SGIP1: variants seen among roughly 807,000 people sequenced by gnomAD.
The protein encoded by SGIP1 is SH3GL interacting endocytic adaptor 1.
A neutral mutation model predicts 107.5 loss-of-function variants in SGIP1; 38 were observed. The ratio of observed to expected loss-of-function variants is 0.35; its 90% confidence interval spans 0.27 to 0.46. The LOEUF (loss-of-function observed/expected upper bound fraction) is 0.46. Ranked by LOEUF, SGIP1 falls within the 20% of genes least tolerant of loss-of-function variation. The pLI, the probability that SGIP1 is intolerant of heterozygous loss-of-function variation, is 1.00. For synonymous variants in SGIP1, 365 were observed against 366.1 expected (o/e 1.00, Z 0.03); for missense variants, 929 against 1,019.5 (o/e 0.91, Z 1.21).
At chr1:66,727,126 G>C (rs2093792478) in intron 19 of SGIP1, among the ~76,000 whole-genome samples, 1 of 152,144 alleles carries the variant, frequency 6.6e-6, no homozygotes, top group Non-Finnish European at 1.5e-5. Flanking sequence ...GTCCTTTTAA[G>C]AGAAAGAAAA....
chr1:66,597,668 A>G (rs900185358), intron 1 of SGIP1, among the ~76,000 whole-genome samples: 2 of 152,180 alleles, frequency 1.3e-5, no homozygotes. Flanking sequence ...GTAGCCATTA[A>G]CAGTAAGTTG....
At chr1:66,614,648 A>T (rs962619858) in intron 1 of SGIP1, among the ~76,000 whole-genome samples, 1 of 152,024 alleles carries the variant, frequency 6.6e-6, no homozygotes, top group Non-Finnish European at 1.5e-5. Context: ...CCCTTTTTAG[A>T]AGTAGACTTC....
intron 20 of SGIP1, 65 bp downstream of exon 20, chr1:66,729,484 G>A (rs1415927573): frequency 1.3e-6 from 2 of 1,582,152 alleles, no homozygotes; most frequent in African/African-American, 1.3e-5. Context: ...ACTTAGATGA[G>A]GGATATATCT....
At chr1:66,733,637 A>G (rs1051878578) in intron 20 of SGIP1, 111 bp from the exon 21 acceptor site, 19 of 1,141,914 alleles carry the variant, frequency 1.7e-5, no homozygotes, top group Non-Finnish European at 2.4e-5. Flanking sequence ...ATCTCTACAA[A>G]TTGTCAAAAA....
chr1:66,643,065 A>G (rs1016282672), intron 6 of SGIP1, among the ~76,000 whole-genome samples: 1 of 152,246 alleles, frequency 6.6e-6, no homozygotes, highest in Non-Finnish European at 1.5e-5. Context: ...CATAGAAAAG[A>G]GAGAGGAGAA....
intron 18 of SGIP1, among the ~76,000 whole-genome samples, chr1:66,715,340 T>A (rs1043067735): frequency 6.6e-6 from 1 of 152,150 alleles, no homozygotes; most frequent in African/African-American, 2.4e-5. Flanking sequence ...AAATTTTGGA[T>A]CCTTAAAGAT....
At chr1:66,660,366 A>T (rs892758999) in intron 7 of SGIP1, 147 bp from the exon 8 acceptor site, 49 of 719,498 alleles carry the variant, frequency 6.8e-5, no homozygotes, top group Non-Finnish European at 1.2e-4. Flanking sequence ...ACCATATCAG[A>T]CCCCCACAGG....
At chr1:66,663,242 T>G (rs1353976336) in intron 8 of SGIP1, among the ~76,000 whole-genome samples, 1 of 151,846 alleles carries the variant, frequency 6.6e-6, no homozygotes. Flanking sequence ...CACTTTTTAC[T>G]CCTGCAAGCA....
intron 21 of SGIP1, among the ~76,000 whole-genome samples, chr1:66,736,155 T>G (rs1419082373): frequency 6.8e-6 from 1 of 147,214 alleles, no homozygotes; most frequent in African/African-American, 2.5e-5. Context: ...CTATAACATA[T>G]AAAATAACAC....
chr1:66,614,960 C>T (rs1180442430), intron 1 of SGIP1, among the ~76,000 whole-genome samples: 1 of 151,790 alleles, frequency 6.6e-6, no homozygotes, highest in African/African-American at 2.4e-5. Flanking sequence ...GCTGGGATTA[C>T]AGGCATGTGC....
intron 1 of SGIP1, among the ~76,000 whole-genome samples, chr1:66,577,409 C>T (rs1036615806): frequency 6.6e-6 from 1 of 152,084 alleles, no homozygotes; most frequent in African/African-American, 2.4e-5. Context: ...ACGTGTGTCT[C>T]GGTTTGATAA....
In SGIP1 at chr1:66,695,782, C is replaced by G. The variant is rs372447593; in HGVS notation, c.1630+289C>G. Among the ~76,000 whole-genome samples, 17 of 152,138 alleles carry G rather than the reference C, an allele frequency of 1.1e-4. No homozygotes were observed. In the East Asian group the frequency reaches 1.5e-3, roughly 14 times the overall value. On this transcript the variant is annotated intron_variant, in intron 18 of 24. Coordinates refer to ENST00000371037, the MANE Select transcript of SGIP1 (RefSeq NM_032291.4). ...GAAAATAAAACAAAACAAAACACAC[C>G]TTTTTTGGCCAAGGAACTTAACTCT...
chr1:66,695,582 A>C (rs941258553), intron 18 of SGIP1, 89 bp downstream of exon 18: 10 of 1,314,840 alleles, frequency 7.6e-6, no homozygotes, highest in Non-Finnish European at 1.1e-5. Flanking sequence ...AGTTCTCTTC[A>C]AAAGTTCTGG....
chr1:66,542,139 T>C (rs2055115965), intron 1 of SGIP1, among the ~76,000 whole-genome samples: 1 of 151,964 alleles, frequency 6.6e-6, no homozygotes, highest in Non-Finnish European at 1.5e-5. Flanking sequence ...ATGATTTATA[T>C]ATATAATTAT....
At chr1:66,578,946 T>G (rs2061448435) in intron 1 of SGIP1, among the ~76,000 whole-genome samples, 1 of 152,132 alleles carries the variant, frequency 6.6e-6, no homozygotes, top group South Asian at 2.1e-4. Context: ...ACATGGTATT[T>G]GTTTGTAGTG....
rs2094549267 is a variant in SGIP1 at position 66,746,098 on chromosome 1, TAGTC to T, written c.*3006_*3009del. The T allele has an allele frequency of 6.6e-6, 1 of 152,140 alleles. No homozygotes were observed. The highest frequency in any genetic ancestry group is 2.4e-5 in the African/African-American group (1 of 41,442). 9.4% of individuals were successfully genotyped at this position (152,140 alleles called of 1,614,324 possible). A position where few individuals can be genotyped will look rare whatever the true frequency, so the allele number is the denominator to read the frequency against. ...GAATTTTTTTTGTTTTATATATTCT[TAGTC>T]AGCAGAGTGTTTGAGCTATAATTAC... On this transcript the variant is annotated 3_prime_UTR_variant, in exon 25 of 25. Coordinates refer to ENST00000371037, the MANE Select transcript of SGIP1 (RefSeq NM_032291.4).
rs1480906570 is a variant in SGIP1, at chr1:66,670,858, A to T, written c.484-137A>T. ...GTGTGTATCTACAATTTCCTACTTA[A>T]ATGCGGTTCTGAGAAAAAGTTCATT... On this transcript the variant is annotated intron_variant, in intron 9 of 24. Transcript: ENST00000371037. 5 of 419,514 alleles carry T rather than the reference A, an allele frequency of 1.2e-5. No individual in the cohort carries two copies. The Admixed American group carries it at 1.9e-4, about 16-fold the overall frequency. 26.0% of individuals were successfully genotyped at this position (419,514 alleles called of 1,614,324 possible). A position where few individuals can be genotyped will look rare whatever the true frequency, so the allele number is the denominator to read the frequency against.
intron 15 of SGIP1, chr1:66,683,995 G>T: frequency 6.8e-7 from 1 of 1,466,252 alleles, no homozygotes; most frequent in Non-Finnish European, 9.1e-7. Context: ...GGGATTATAG[G>T]CTTGAGCTAC....
At chr1:66,539,240 G>A (rs2054320437) in intron 1 of SGIP1, among the ~76,000 whole-genome samples, 1 of 152,162 alleles carries the variant, frequency 6.6e-6, no homozygotes, top group African/African-American at 2.4e-5. Flanking sequence ...GAGGTCATAG[G>A]TAGAACAGAA....
Sources: allele counts gnomAD v4.1 joint callset (sites outside exome capture counted in the v4.1 genomes callset), GRCh38; gene constraint gnomAD v4.1.1; transcripts MANE v1.5; gene names NCBI Gene and HGNC (gene_info 2026-07-23, HGNC 2026-07-21).